Variants in SEMA6D observed in about 807,000 individuals in gnomAD.
SEMA6D encodes the protein semaphorin-6D.
A neutral mutation model predicts 106.6 loss-of-function variants in SEMA6D; 35 were observed. The observed-to-expected ratio is 0.33, with a 90% CI of 0.25 to 0.44. The LOEUF is 0.44. SEMA6D is among the 20% of genes least tolerant of loss of function. The probability of loss-of-function intolerance (pLI) is 1.00; values close to 1 mark genes in which losing one functional copy is unlikely to be tolerated. For synonymous variants in SEMA6D, 499 were observed against 487.7 expected (o/e 1.02, Z -0.31); for missense variants, 1,185 against 1,345.9 (o/e 0.88, Z 1.87).
At chr15:47,317,223 C>T (rs1409584161) in intron 1 of SEMA6D, among the ~76,000 whole-genome samples, 1 of 151,984 alleles carries the variant, frequency 6.6e-6, no homozygotes, top group African/African-American at 2.4e-5. Flanking sequence ...CTTTATTATT[C>T]TTTTAATGTC....
chr15:47,216,055 G>A (rs1335802657), intron 1 of SEMA6D, among the ~76,000 whole-genome samples: 3 of 152,124 alleles, frequency 2.0e-5, no homozygotes, highest in Admixed American at 2.0e-4. Context: ...GTCTAAATTA[G>A]TCCTGATATG....
intron 1 of SEMA6D, among the ~76,000 whole-genome samples, chr15:47,743,705 T>TGG (rs2080953304): frequency 6.6e-6 from 1 of 152,112 alleles, no homozygotes; most frequent in African/African-American, 2.4e-5. Context: ...CAGGTAGTGA[T>TGG]GGGGACAGCA....
At chr15:47,728,401 CTG>C (rs1462449798) in intron 1 of SEMA6D, among the ~76,000 whole-genome samples, 1 of 152,220 alleles carries the variant, frequency 6.6e-6, no homozygotes, top group Non-Finnish European at 1.5e-5. Flanking sequence ...AATTCATACT[CTG>C]TGTGGTGACA....
intron 2 of SEMA6D, among the ~76,000 whole-genome samples, chr15:47,454,656 A>G (rs899677055): frequency 6.6e-6 from 1 of 151,512 alleles, no homozygotes; most frequent in Non-Finnish European, 1.5e-5. Flanking sequence ...TTTATCTCAC[A>G]GGACATACTG....
chr15:47,335,893 G>A (rs182956587), intron 1 of SEMA6D, among the ~76,000 whole-genome samples: 2 of 152,116 alleles, frequency 1.3e-5, no homozygotes, highest in Non-Finnish European at 2.9e-5. Flanking sequence ...CAAGTGGACC[G>A]GATGGAGCCT....
chr15:47,356,395 C>T (rs1358123677), intron 1 of SEMA6D, among the ~76,000 whole-genome samples: 2 of 152,038 alleles, frequency 1.3e-5, no homozygotes, highest in Non-Finnish European at 2.9e-5. Flanking sequence ...TGAGAAGTGC[C>T]CCACAGTACA....
intron 3 of SEMA6D, among the ~76,000 whole-genome samples, chr15:47,527,413 A>G (rs1228813960): frequency 6.6e-6 from 1 of 152,226 alleles, no homozygotes; most frequent in Non-Finnish European, 1.5e-5. Flanking sequence ...ATGATAGCAC[A>G]TATAGATTGT....
At chr15:47,713,912 C>T (rs1344012366), upstream of SEMA6D, among the ~76,000 whole-genome samples, 1 of 152,198 alleles carries the variant, frequency 6.6e-6, no homozygotes, top group East Asian at 1.9e-4. Context: ...TTCAATTCTG[C>T]AGGATTCCCA....
At chr15:47,721,593 G>C (rs922652910) in intron 1 of SEMA6D, among the ~76,000 whole-genome samples, 1 of 152,194 alleles carries the variant, frequency 6.6e-6, no homozygotes, top group Non-Finnish European at 1.5e-5. Flanking sequence ...GTCAGGTGGA[G>C]TTTTCCTCCT....
intron 4 of SEMA6D, among the ~76,000 whole-genome samples, chr15:47,652,780 C>T (rs1007530162): frequency 6.6e-6 from 1 of 152,144 alleles, no homozygotes; most frequent in South Asian, 2.1e-4. Context: ...TGGTGTTTCT[C>T]TTATTTAAGG....
chr15:47,760,547 G>A, intron 3 of SEMA6D, 132 bp downstream of exon 3: 1 of 679,408 alleles, frequency 1.5e-6, no homozygotes, highest in Non-Finnish European at 2.5e-6. Flanking sequence ...AATATTCACT[G>A]AGAAGAGTCA....
intron 5 of SEMA6D, 34 bp downstream of exon 5, chr15:47,761,254 G>A (rs142054743): frequency 0.013 from 20,824 of 1,612,594 alleles, 184 homozygotes; most frequent in Non-Finnish European, 0.015. Context: ...GCTAGATTTA[G>A]TCTTTCTGTG....
At chr15:47,213,683 A>G (rs1244962186) in intron 1 of SEMA6D, among the ~76,000 whole-genome samples, 4 of 152,160 alleles carry the variant, frequency 2.6e-5, no homozygotes. Flanking sequence ...CAAAATCAGT[A>G]AAAGACATTT....
At chr15:47,667,525 C>G (rs1051490630) in intron 4 of SEMA6D, among the ~76,000 whole-genome samples, 1 of 152,180 alleles carries the variant, frequency 6.6e-6, no homozygotes, top group African/African-American at 2.4e-5. Flanking sequence ...GTGTTTTAGT[C>G]TGATCGGGCT....
intron 1 of SEMA6D, among the ~76,000 whole-genome samples, chr15:47,345,161 G>A (rs685794): frequency 0.87 from 132,712 of 152,098 alleles, 58,087 homozygotes; most frequent in African/African-American, 0.88. Flanking sequence ...TAATCTGTAC[G>A]GTCAACACAA....
intron 4 of SEMA6D, among the ~76,000 whole-genome samples, chr15:47,646,858 G>A (rs2077591003): frequency 1.3e-5 from 2 of 152,138 alleles, no homozygotes; most frequent in Non-Finnish European, 2.9e-5. Flanking sequence ...GAAAACTGTG[G>A]TAAACAAATT....
chr15:47,191,105 T>C (rs1893930641), intron 1 of SEMA6D, among the ~76,000 whole-genome samples: 1 of 151,932 alleles, frequency 6.6e-6, no homozygotes, highest in South Asian at 2.1e-4. Flanking sequence ...GCCTGGGAGC[T>C]TGAGGCTGCA....
chr15:47,665,279 C>A (rs1439131906), intron 4 of SEMA6D, among the ~76,000 whole-genome samples: 1 of 152,142 alleles, frequency 6.6e-6, no homozygotes, highest in African/African-American at 2.4e-5. Context: ...ATTTCCTCTA[C>A]GTTTAATTGT....
At chr15:47,603,170 A>G (rs1046976471) in intron 4 of SEMA6D, among the ~76,000 whole-genome samples, 1 of 152,134 alleles carries the variant, frequency 6.6e-6, no homozygotes, top group African/African-American at 2.4e-5. Context: ...ATCATGGGGT[A>G]GGAGGGGAGA....
Sources: gnomAD v4.1 joint callset for allele counts (sites outside exome capture counted in the v4.1 genomes callset) on GRCh38, gnomAD v4.1.1 for gene constraint, MANE v1.5 for transcripts, NCBI Gene and HGNC (gene_info 2026-07-23, HGNC 2026-07-21) for gene names.